POU3F3: variants seen among roughly 807,000 people sequenced by gnomAD.
The protein encoded by POU3F3 is POU domain, class 3, transcription factor 3.
A neutral mutation model predicts 8.6 loss-of-function variants in POU3F3; 1 was observed. The ratio of observed to expected loss-of-function variants is 0.12; its 90% confidence interval spans 0.04 to 0.55. POU3F3 has a LOEUF of 0.55. Among genes scored for constraint, POU3F3 ranks in the 20% least tolerant of loss-of-function variants. The probability of loss-of-function intolerance (pLI) is 0.91; values close to 1 mark genes in which losing one functional copy is unlikely to be tolerated. For synonymous variants in POU3F3, 418 were observed against 327.4 expected, an observed-to-expected ratio of 1.28 and a Z score of -2.99; for missense variants, 577 against 690.7, an observed-to-expected ratio of 0.84 and a Z score of 1.84.
the POU3F3 span, among the ~76,000 whole-genome samples, chr2:104,902,428 C>T: frequency 2.0e-5 from 3 of 152,222 alleles, no homozygotes; most frequent in African/African-American, 7.2e-5. Context: ...CACCGTGTTC[C>T]AGAACCTTCA....
chr2:104,888,426 G>A, the POU3F3 span, among the ~76,000 whole-genome samples: 5 of 152,170 alleles, frequency 3.3e-5, no homozygotes, highest in Non-Finnish European at 5.9e-5. Context: ...CCATCTCCTC[G>A]TTCTTCATTC....
chr2:104,854,151 A>C lies in POU3F3; in HGVS notation c.-1360A>C, dbSNP rs1205725293. Among the ~76,000 whole-genome samples the C allele has an allele frequency of 6.6e-6, 1 of 152,114 alleles. No homozygotes were observed. Among genetic ancestry groups the C allele is most frequent in the Non-Finnish European group, 1.5e-5 (1 of 68,018 alleles). ...CCCGCTCTGAGAGGGAGGGACAGAG[A>C]GCGAACTGTCAGATCGGAGCGAGAG... is the stretch of plus-strand genomic sequence containing the variant. On this transcript the variant is annotated 5_prime_UTR_variant, in exon 1 of 1. Coordinates refer to ENST00000361360, the MANE Select transcript of POU3F3 (RefSeq NM_006236.3). The surrounding 1 kb of genome is among the most constrained non-coding windows in gnomAD (Gnocchi z 4.5).
At chr2:104,880,428 C>T in the POU3F3 span, among the ~76,000 whole-genome samples, 1 of 152,124 alleles carries the variant, frequency 6.6e-6, no homozygotes, top group Admixed American at 6.5e-5. Flanking sequence ...ACCGTGAGAC[C>T]TGTTCTTCTA....
chr2:104,893,432 G>A, the POU3F3 span, among the ~76,000 whole-genome samples: 4 of 152,224 alleles, frequency 2.6e-5, no homozygotes, highest in Admixed American at 6.5e-5. Context: ...TTCTGTGGCC[G>A]CACAAGGGAA....
At chr2:104,864,704 G>A in the POU3F3 span, among the ~76,000 whole-genome samples, 1 of 152,220 alleles carries the variant, frequency 6.6e-6, no homozygotes, top group African/African-American at 2.4e-5. Flanking sequence ...TGGTCTTGGG[G>A]AGGAGGTGGG....
rs994917831 is a variant in POU3F3, at chr2:104,857,213, C to T, written c.*200C>T. The T allele has an allele frequency of 1.9e-5, 10 of 533,178 alleles. No homozygotes were observed. The highest frequency in any genetic ancestry group is 2.2e-5 in the Non-Finnish European group (9 of 415,444). The allele number at this position is 533,178 out of a possible 1,614,324, so 33.0% of individuals were successfully genotyped here. ...TCCACCCAGAGACAGGCATGCCCGCCCTTGGAGGAGAAAACGCGGGAGAAA... is the reference window on the plus strand; with the variant it reads ...TCCACCCAGAGACAGGCATGCCCGCTCTTGGAGGAGAAAACGCGGGAGAAA... On this transcript the variant is annotated 3_prime_UTR_variant, in exon 1 of 1. Transcript: ENST00000361360.
chr2:104,883,968 GTTTCTGCAACTCTCAC>G, the POU3F3 span, among the ~76,000 whole-genome samples: 2 of 152,156 alleles, frequency 1.3e-5, no homozygotes, highest in Non-Finnish European at 2.9e-5. Flanking sequence ...GAAAAAGAAT[GTTTCTGCAACTCTCAC>G]TTCCCTAGGT....
At chr2:104,881,564 T>C in the POU3F3 span, among the ~76,000 whole-genome samples, 1 of 152,112 alleles carries the variant, frequency 6.6e-6, no homozygotes, top group African/African-American at 2.4e-5. Flanking sequence ...TCCGTCTCTC[T>C]CCCTCTCTCT....
chr2:104,857,049 G>GCCGCCT lies in POU3F3; in HGVS notation c.*41_*46dup, dbSNP rs771830063. 1.4e-6 allele frequency: 2 copies of GCCGCCT among 1,395,510 alleles called. No individual in the cohort carries two copies. Among genetic ancestry groups the GCCGCCT allele is most frequent in the South Asian group, 3.1e-5 (2 of 64,510 alleles). The allele number at this position is 1,395,510 out of a possible 1,614,324, so 86.4% of individuals were successfully genotyped here. ...CAGAGCGAAGAGGGCCGCCGCCGCC[G>GCCGCCT]CCGCCTCCGCAGCCGCCGTCAGCAC... On this transcript the variant is annotated 3_prime_UTR_variant, in exon 1 of 1. Transcript: ENST00000361360.
chr2:104,899,115 G>T, the POU3F3 span, among the ~76,000 whole-genome samples: 1 of 152,216 alleles, frequency 6.6e-6, no homozygotes, highest in Non-Finnish European at 1.5e-5. Flanking sequence ...GGAGCATGGT[G>T]AGCATGAAGT....
chr2:104,901,865 A>G, the POU3F3 span, among the ~76,000 whole-genome samples: 1 of 152,240 alleles, frequency 6.6e-6, no homozygotes, highest in Admixed American at 6.5e-5. Context: ...GTAAGTAAGA[A>G]ATAACCTGGA....
At chr2:104,906,507 T>G in the POU3F3 span, among the ~76,000 whole-genome samples, 4 of 152,230 alleles carry the variant, frequency 2.6e-5, no homozygotes, top group East Asian at 7.7e-4. Context: ...TTGTCCTGGT[T>G]AATCCCAAAT....
Position 104,857,934 on chromosome 2 carries a change from G to C in POU3F3, c.*921G>C, listed in dbSNP as rs1676608108. 1 of 152,126 alleles carries C rather than the reference G, an allele frequency of 6.6e-6. No homozygotes were observed. The highest frequency in any genetic ancestry group is 6.5e-5 in the Admixed American group (1 of 15,276). The allele number at this position is 152,126 out of a possible 1,614,324, so 9.4% of individuals were successfully genotyped here. A position where few individuals can be genotyped will look rare whatever the true frequency, so the allele number is the denominator to read the frequency against. On this transcript the variant is annotated 3_prime_UTR_variant, in exon 1 of 1. Coordinates refer to ENST00000361360, the MANE Select transcript of POU3F3 (RefSeq NM_006236.3). Reference sequence around the variant, plus strand: ...GCCCCGGCCGAGTCGGGTCGCGGGCGGGCGGGCGAACTGGGAGCAGAGCGG... The same window carrying C: ...GCCCCGGCCGAGTCGGGTCGCGGGCCGGCGGGCGAACTGGGAGCAGAGCGG...
At chr2:104,877,740 C>T in the POU3F3 span, among the ~76,000 whole-genome samples, 3 of 150,774 alleles carry the variant, frequency 2.0e-5, no homozygotes, top group Admixed American at 6.6e-5. Context: ...CTCACTGCAA[C>T]CTCCGACTCC....
At position 104,855,657 on chromosome 2, in the gene POU3F3, C is replaced by A. The variant is rs766929905; in HGVS notation, c.147C>A (p.Gly49=). 9.8e-7 allele frequency: 1 copy of A among 1,023,528 alleles called. No homozygotes were observed. Among genetic ancestry groups the A allele is most frequent in the East Asian group, 8.9e-5 (1 of 11,264 alleles). The allele number at this position is 1,023,528 out of a possible 1,614,324, so 63.4% of individuals were successfully genotyped here. ...GGGGCGGCGCAGGGGGCGGGGGCGG[C>A]GGCATGCAGCCGGGCAGCGCCGCCG... is the stretch of plus-strand genomic sequence containing the variant. ...GGGGGAGGGG[G]GMQPGSAAVT... Residue 49 remains glycine (G), a synonymous_variant, in exon 1 of 1, where the codon GGC becomes GGA. Transcript: ENST00000361360.
rs1219726810 is a variant in POU3F3 at position 104,858,465 on chromosome 2, A to G, written c.*1452A>G. 1 of 152,174 alleles carries G rather than the reference A, an allele frequency of 6.6e-6. No homozygotes were observed. Among genetic ancestry groups the G allele is most frequent in the Non-Finnish European group, 1.5e-5 (1 of 68,042 alleles). 9.4% of individuals were successfully genotyped at this position (152,174 alleles called of 1,614,324 possible). A position where few individuals can be genotyped will look rare whatever the true frequency, so the allele number is the denominator to read the frequency against. On this transcript the variant is annotated 3_prime_UTR_variant, in exon 1 of 1. Transcript: ENST00000361360. ...AAATCAAAATGAAATGAAAATATGG[A>G]CAGTTGTTAGGTAATAAGGGTATCT...
At chr2:104,888,405 G>A in the POU3F3 span, among the ~76,000 whole-genome samples, 1 of 152,152 alleles carries the variant, frequency 6.6e-6, no homozygotes, top group Non-Finnish European at 1.5e-5. Context: ...TCAGGCTGGT[G>A]GTAGAGTTTG....
chr2:104,895,955 G>A, the POU3F3 span, among the ~76,000 whole-genome samples: 1 of 152,200 alleles, frequency 6.6e-6, no homozygotes, highest in Non-Finnish European at 1.5e-5. Flanking sequence ...TCCAAGAAGG[G>A]CCAGCACTGC....
chr2:104,925,584 AG>A, the POU3F3 span, among the ~76,000 whole-genome samples: 1 of 152,200 alleles, frequency 6.6e-6, no homozygotes, highest in East Asian at 1.9e-4. Flanking sequence ...TGCAGAACCT[AG>A]AGAAGGTGTA....
Sources: gnomAD v4.1 joint callset for allele counts (sites outside exome capture counted in the v4.1 genomes callset) on GRCh38, gnomAD v4.1.1 for gene constraint, Gnocchi (gnomAD v3.1) non-coding constraint, MANE v1.5 for transcripts, NCBI Gene and HGNC (gene_info 2026-07-23, HGNC 2026-07-21) for gene names.